The following GPC5 variants were observed in gnomAD, a reference collection of about 807,000 sequenced individuals.
GPC5 encodes glypican-5.
Under a neutral mutation model 53.9 loss-of-function variants are expected in GPC5, and 47 were observed. The ratio of observed to expected loss-of-function variants is 0.87; its 90% CI spans 0.69 to 1.11. The LOEUF (loss-of-function observed/expected upper bound fraction) is 1.11, where lower values mean the gene tolerates loss of function less well. Ranked by LOEUF, GPC5 falls within the 50% of genes most tolerant of loss-of-function variation. GPC5 has a pLI of 0.00. For synonymous variants in GPC5, 286 were observed against 263.3 expected (o/e 1.09, Z -0.84); for missense variants, 748 against 713.1 (o/e 1.05, Z -0.56).
chr13:91,484,999 C>T (rs1305953622), intron 2 of GPC5, among the ~76,000 whole-genome samples: 1 of 152,208 alleles, frequency 6.6e-6, no homozygotes, highest in Non-Finnish European at 1.5e-5. Context: ...TGTGTATGAT[C>T]TGAGAGCTTG....
chr13:91,419,474 G>A (rs762813893), intron 1 of GPC5, among the ~76,000 whole-genome samples: 21 of 152,068 alleles, frequency 1.4e-4, no homozygotes, highest in Non-Finnish European at 2.6e-4. Flanking sequence ...TTATTACAAA[G>A]AATAATCCAG....
intron 5 of GPC5, among the ~76,000 whole-genome samples, chr13:91,885,412 T>C (rs1296373242): frequency 6.6e-6 from 1 of 152,238 alleles, no homozygotes; most frequent in African/African-American, 2.4e-5. Flanking sequence ...TATTTAAATA[T>C]GGAGTACCTT....
intron 7 of GPC5, among the ~76,000 whole-genome samples, chr13:92,527,113 AAAGAAAG>A (rs1566276383): frequency 1.2e-4 from 6 of 48,372 alleles, no homozygotes; most frequent in African/African-American, 4.5e-4. Flanking sequence ...AAGAAAAAAG[AAAGAAAG>A]AAAGAAAGAA....
intron 7 of GPC5, among the ~76,000 whole-genome samples, chr13:92,418,966 G>A (rs962863557): frequency 3.5e-4 from 53 of 152,198 alleles, no homozygotes; most frequent in African/African-American, 1.2e-3. Flanking sequence ...CAACCCTGGA[G>A]AGTAAACATT....
At chr13:92,375,687 A>T (rs1339370025) in intron 7 of GPC5, among the ~76,000 whole-genome samples, 2 of 152,198 alleles carry the variant, frequency 1.3e-5, no homozygotes, top group African/African-American at 4.8e-5. Context: ...CAGGCTGTCA[A>T]AAACGGAAGG....
intron 2 of GPC5, among the ~76,000 whole-genome samples, chr13:91,606,575 C>A (rs200597865): frequency 0.078 from 11,572 of 148,090 alleles, 669 homozygotes; most frequent in South Asian, 0.24. Context: ...GCTGTGAATC[C>A]ATCTGGTCCT....
intron 7 of GPC5, among the ~76,000 whole-genome samples, chr13:92,566,139 G>A (rs1284449232): frequency 6.6e-6 from 1 of 151,988 alleles, no homozygotes; most frequent in African/African-American, 2.4e-5. Flanking sequence ...TCTGTTAGAG[G>A]CCATGGAAAG....
At chr13:91,461,919 T>A (rs1200309534) in intron 2 of GPC5, among the ~76,000 whole-genome samples, 1 of 152,110 alleles carries the variant, frequency 6.6e-6, no homozygotes, top group African/African-American at 2.4e-5. Flanking sequence ...AAAAATACCC[T>A]CTAAATTCGC....
intron 7 of GPC5, among the ~76,000 whole-genome samples, chr13:92,278,154 AG>A (rs1316103553): frequency 6.6e-6 from 1 of 151,932 alleles, no homozygotes; most frequent in Non-Finnish European, 1.5e-5. Flanking sequence ...ACTTAACATT[AG>A]TATAAAGAAA....
intron 7 of GPC5, among the ~76,000 whole-genome samples, chr13:92,395,037 T>A (rs187852889): frequency 1.0e-3 from 157 of 152,256 alleles, no homozygotes; most frequent in African/African-American, 3.6e-3. Context: ...TTGGAGAAAA[T>A]ATATAATTGG....
At chr13:91,630,395 C>T (rs142125844) in intron 2 of GPC5, among the ~76,000 whole-genome samples, 539 of 152,162 alleles carry the variant, frequency 3.5e-3, no homozygotes, top group African/African-American at 0.011. Flanking sequence ...TAAATAATAC[C>T]GTCTTATTTT....
intron 7 of GPC5, among the ~76,000 whole-genome samples, chr13:92,556,431 T>C (rs1882496114): frequency 6.6e-6 from 1 of 151,810 alleles, no homozygotes. Flanking sequence ...TTTGTTGACA[T>C]TTTCTCTTTT....
At chr13:92,303,757 TACTC>T (rs2043091360) in intron 7 of GPC5, among the ~76,000 whole-genome samples, 1 of 152,202 alleles carries the variant, frequency 6.6e-6, no homozygotes, top group Admixed American at 6.5e-5. Flanking sequence ...GAAGAAATAA[TACTC>T]ATACAGTGTT....
intron 6 of GPC5, among the ~76,000 whole-genome samples, chr13:91,968,279 C>A (rs892095328): frequency 6.6e-6 from 1 of 151,814 alleles, no homozygotes; most frequent in Non-Finnish European, 1.5e-5. Flanking sequence ...TTAATCCATC[C>A]ATTTTTCTAG....
intron 2 of GPC5, among the ~76,000 whole-genome samples, chr13:91,544,588 C>T (rs528568645): frequency 2.0e-5 from 3 of 152,222 alleles, no homozygotes; most frequent in Non-Finnish European, 4.4e-5. Context: ...ATTCATATTT[C>T]TTCATCTGAA....
chr13:91,902,005 A>C (rs570302455), intron 5 of GPC5, among the ~76,000 whole-genome samples: 3 of 152,138 alleles, frequency 2.0e-5, no homozygotes, highest in Admixed American at 1.3e-4. Context: ...TGTTTTCCTC[A>C]TCTACTATTA....
chr13:92,716,568 T>G (rs1299668259), intron 7 of GPC5, among the ~76,000 whole-genome samples: 1 of 152,152 alleles, frequency 6.6e-6, no homozygotes, highest in East Asian at 1.9e-4. Flanking sequence ...AATTCAGATC[T>G]CAGCATAGCT....
At chr13:91,885,713 C>T (rs990339433) in intron 5 of GPC5, among the ~76,000 whole-genome samples, 16 of 152,142 alleles carry the variant, frequency 1.1e-4, no homozygotes, top group Non-Finnish European at 1.8e-4. Flanking sequence ...CAAATCTGCC[C>T]TTACACTTTA....
At chr13:92,601,800 G>A (rs892786109) in intron 7 of GPC5, among the ~76,000 whole-genome samples, 1 of 151,872 alleles carries the variant, frequency 6.6e-6, no homozygotes, top group African/African-American at 2.4e-5. Flanking sequence ...GGCTAAATTT[G>A]TGGAAGAGAA....
Sources: allele counts gnomAD v4.1 joint callset (sites outside exome capture counted in the v4.1 genomes callset), GRCh38; gene constraint gnomAD v4.1.1; transcripts MANE v1.5; gene names NCBI Gene and HGNC (gene_info 2026-07-23, HGNC 2026-07-21).